PLEKHA8: variants seen among roughly 807,000 people sequenced by gnomAD.
PLEKHA8 encodes pleckstrin homology domain-containing family A member 8.
Under a neutral mutation model 68.2 loss-of-function variants are expected in PLEKHA8, and 36 were observed. The observed-to-expected ratio is 0.53, with a 90% CI of 0.40 to 0.70. The LOEUF is 0.70. Ranked by LOEUF, PLEKHA8 falls within the 30% of genes least tolerant of loss-of-function variation. The pLI is 0.00. For missense variants in PLEKHA8, 505 were observed against 615.4 expected (o/e 0.82, Z 1.90); for synonymous variants, 211 against 216.1 (o/e 0.98, Z 0.20).
At chr7:30,055,945 C>CTTT (rs530852500) in intron 9 of PLEKHA8, among the ~76,000 whole-genome samples, 3 of 136,248 alleles carry the variant, frequency 2.2e-5, no homozygotes, top group Admixed American at 7.6e-5. Flanking sequence ...AACATATTTT[C>CTTT]TTTTTTTTTT....
chr7:30,045,553 A>G (rs1194079412), intron 2 of PLEKHA8, among the ~76,000 whole-genome samples: 1 of 152,248 alleles, frequency 6.6e-6, no homozygotes, highest in African/African-American at 2.4e-5. Context: ...GGACACACAC[A>G]CACACACCCT....
In PLEKHA8 at chr7:30,052,846, A is replaced by G. The variant is rs1414283803; in HGVS notation, c.776A>G (p.Asn259Ser). ...EIDCSISSEE[N>S]TDDNITVQGE... ...GACTGCAGCATATCAAGTGAGGAAA[A>G]TACAGATGATAATATAACAGGTAAA... The change falls in exon 7 of 14, where the codon AAT (asparagine) becomes AGT (serine). Residue 259 changes from asparagine to serine, a missense_variant. Asn to Ser is a conservative substitution (Grantham distance 46). Coordinates refer to ENST00000449726, the MANE Select transcript of PLEKHA8 (RefSeq NM_001197026.2). The G allele has an allele frequency of 1.9e-6, 3 of 1,577,624 alleles. No individual in the cohort carries two copies. The East Asian group carries it at 6.8e-5, about 36-fold the overall frequency.
intron 12 of PLEKHA8, among the ~76,000 whole-genome samples, chr7:30,073,830 A>G (rs1469642494): frequency 3.3e-5 from 5 of 152,020 alleles, no homozygotes; most frequent in Non-Finnish European, 7.4e-5. Context: ...TCTACAAAAA[A>G]TTAAAAATAA....
Position 30,083,089 on chromosome 7 carries a change from A to T in PLEKHA8, c.*4302A>T. Reference sequence around the variant, plus strand: ...AAAATTTTTAGATGTAGAGTTTATAAGTAAAATATATTTTTAGCCATTGTT... The same window carrying T: ...AAAATTTTTAGATGTAGAGTTTATATGTAAAATATATTTTTAGCCATTGTT... On this transcript the variant is annotated 3_prime_UTR_variant, in exon 14 of 14. Coordinates refer to ENST00000449726, the MANE Select transcript of PLEKHA8 (RefSeq NM_001197026.2). 1 of 983,774 alleles carries T rather than the reference A, an allele frequency of 1.0e-6. No individual in the cohort carries two copies. Among genetic ancestry groups the T allele is most frequent in the Non-Finnish European group, 1.2e-6 (1 of 828,452 alleles). 60.9% of individuals were successfully genotyped at this position (983,774 alleles called of 1,614,324 possible).
chr7:30,071,955 A>G (rs1057136747), intron 12 of PLEKHA8: 1 of 152,194 alleles, frequency 6.6e-6, no homozygotes, highest in Non-Finnish European at 1.5e-5. Flanking sequence ...CGCTTTGTGA[A>G]TCAGCAACCC....
intron 1 of PLEKHA8, among the ~76,000 whole-genome samples, chr7:30,031,810 A>T (rs563696152): frequency 6.6e-6 from 1 of 152,324 alleles, no homozygotes; most frequent in Admixed American, 6.5e-5. Context: ...TTGCCTCTTG[A>T]ATTTTAAATC....
rs1794896336 is a variant in PLEKHA8 at position 30,080,862 on chromosome 7, C to T, written c.*2075C>T. On this transcript the variant is annotated 3_prime_UTR_variant, in exon 14 of 14. Coordinates refer to ENST00000449726, the MANE Select transcript of PLEKHA8 (RefSeq NM_001197026.2). The stretch of plus-strand genomic sequence containing the variant: ...CGGAAAAAGAAAAAGCCAGTTTTTG[C>T]TTGTACTTTGAATGAAGATGTTTTA... 4.1e-6 allele frequency: 4 copies of T among 985,304 alleles called. No homozygotes were observed. Among genetic ancestry groups the T allele is most frequent in the Non-Finnish European group, 4.8e-6 (4 of 829,902 alleles). The allele number at this position is 985,304 out of a possible 1,614,324, so 61.0% of individuals were successfully genotyped here. A position where few individuals can be genotyped will look rare whatever the true frequency, so the allele number is the denominator to read the frequency against.
chr7:30,052,640 CAAAAA>C (rs75714651), intron 6 of PLEKHA8, 64 bp from the exon 7 acceptor site: 18,179 of 1,060,560 alleles, frequency 0.017, 7 homozygotes, highest in Middle Eastern at 0.022. Context: ...GACCCTGTTT[CAAAAA>C]AAAAAAAAAA....
At chr7:30,095,840 T>C (rs1457930348) in intron 13 of PLEKHA8, among the ~76,000 whole-genome samples, 1 of 152,234 alleles carries the variant, frequency 6.6e-6, no homozygotes, top group Non-Finnish European at 1.5e-5. Flanking sequence ...GTTGTAGATA[T>C]GTGGCATTAT....
chr7:30,055,813 T>C (rs1023558011), intron 9 of PLEKHA8, among the ~76,000 whole-genome samples: 1 of 150,986 alleles, frequency 6.6e-6, no homozygotes, highest in African/African-American at 2.4e-5. Context: ...TATATGCGCA[T>C]GCCCGGCTAA....
chr7:30,049,898 C>T (rs1224545989), intron 5 of PLEKHA8, among the ~76,000 whole-genome samples: 2 of 152,200 alleles, frequency 1.3e-5, no homozygotes, highest in Non-Finnish European at 2.9e-5. Context: ...CAGGAATGCT[C>T]TTCACCTCTC....
chr7:30,100,510 C>T lies in PLEKHA8; in HGVS notation c.1362+26378C>T, dbSNP rs191744259. On this transcript the variant is annotated intron_variant, in intron 13 of 13. Coordinates refer to the PLEKHA8 transcript ENST00000396257. ...GAGGTTGCAGGGAGCAAGATCACAC[C>T]ACTGCACTCCAACCTGGGCAACAGA... Among the ~76,000 whole-genome samples the T allele has an allele frequency of 7.2e-4, 109 of 152,144 alleles. No individual in the cohort carries two copies. The East Asian group carries it at 0.015, about 21-fold the overall frequency.
At chr7:30,120,258 A>G (rs959668137) in intron 13 of PLEKHA8, among the ~76,000 whole-genome samples, 1 of 152,204 alleles carries the variant, frequency 6.6e-6, no homozygotes, top group African/African-American at 2.4e-5. Context: ...AACTGAGTAA[A>G]TAACAATTTG....
chr7:30,058,471 C>CAT (rs1562872519), intron 9 of PLEKHA8, among the ~76,000 whole-genome samples: 2 of 125,266 alleles, frequency 1.6e-5, no homozygotes. Context: ...AGTTGAGGTT[C>CAT]TTTTTTTTTT....
intron 13 of PLEKHA8, among the ~76,000 whole-genome samples, chr7:30,117,800 G>A (rs1381260377): frequency 6.6e-6 from 1 of 152,134 alleles, no homozygotes; most frequent in East Asian, 1.9e-4. Context: ...AAAGTTTAGT[G>A]TGCACACTAA....
intron 13 of PLEKHA8, among the ~76,000 whole-genome samples, chr7:30,113,856 G>A (rs1796344870): frequency 6.7e-6 from 1 of 150,238 alleles, no homozygotes; most frequent in Admixed American, 6.6e-5. Flanking sequence ...TTAGTAGCTA[G>A]TTCTCATTTC....
chr7:30,065,719 C>G (rs182678926), intron 12 of PLEKHA8, among the ~76,000 whole-genome samples: 2 of 152,146 alleles, frequency 1.3e-5, no homozygotes, highest in African/African-American at 2.4e-5. Context: ...CTATCACTTA[C>G]AGAGCACCCA....
intron 3 of PLEKHA8, 26 bp downstream of exon 3, chr7:30,046,391 G>A (rs1177653479): frequency 3.3e-6 from 5 of 1,531,258 alleles, no homozygotes; most frequent in Non-Finnish European, 3.5e-6. Flanking sequence ...CCTTTGCTGT[G>A]GAAACCTTGG....
rs954279403 is a variant in PLEKHA8, at chr7:30,082,243, C to T, written c.*3456C>T. 23 of 985,308 alleles carry T rather than the reference C, an allele frequency of 2.3e-5. No homozygotes were observed. The highest frequency in any genetic ancestry group is 2.7e-5 in the Non-Finnish European group (22 of 829,938). 61.0% of individuals were successfully genotyped at this position (985,308 alleles called of 1,614,324 possible). ...TCCATGATGAGGGATTTCTGAACTCCATAGTCCAGCGTTGTTGCTTTTCTC... is the reference window on the plus strand; with the variant it reads ...TCCATGATGAGGGATTTCTGAACTCTATAGTCCAGCGTTGTTGCTTTTCTC... On this transcript the variant is annotated 3_prime_UTR_variant, in exon 14 of 14. Transcript: ENST00000449726.
Sources: allele counts gnomAD v4.1 joint callset (sites outside exome capture counted in the v4.1 genomes callset), GRCh38; gene constraint gnomAD v4.1.1; transcripts MANE v1.5; gene names NCBI Gene and HGNC (gene_info 2026-07-23, HGNC 2026-07-21).